The following SCARA5 variants were observed in gnomAD, a reference collection of about 807,000 sequenced individuals.
SCARA5 encodes the protein scavenger receptor class A, member 5 (putative).
A neutral mutation model predicts 46.3 loss-of-function variants in SCARA5; 45 were observed. That is an observed-to-expected ratio of 0.97 (90% CI 0.76 to 1.24). The LOEUF is 1.24. Ranked by LOEUF, SCARA5 falls within the 50% of genes most tolerant of loss-of-function variation. The pLI is 0.00. For synonymous variants in SCARA5, 333 were observed against 306.5 expected (o/e 1.09, Z -0.90); for missense variants, 680 against 689.0 (o/e 0.99, Z 0.15).
intron 3 of SCARA5, among the ~76,000 whole-genome samples, chr8:27,957,379 T>C (rs986266916): frequency 3.3e-5 from 5 of 152,262 alleles, no homozygotes; most frequent in African/African-American, 1.2e-4. Context: ...AACACTGTTC[T>C]AGGCGGTTAA....
chr8:27,885,436 C>G (rs1037058641), intron 7 of SCARA5, among the ~76,000 whole-genome samples: 7 of 152,170 alleles, frequency 4.6e-5, no homozygotes, highest in African/African-American at 1.4e-4. Flanking sequence ...GCTATTTACT[C>G]TCTTAGGACA....
At chr8:27,876,469 G>A (rs1806725910) in intron 8 of SCARA5, among the ~76,000 whole-genome samples, 1 of 152,190 alleles carries the variant, frequency 6.6e-6, no homozygotes, top group Non-Finnish European at 1.5e-5. Context: ...TGGGGAGGGG[G>A]AGTGGTGACA....
rs181865121 is a variant in SCARA5, at chr8:27,914,586, G to A, written c.917-4843C>T. 1.7e-4 allele frequency among the ~76,000 whole-genome samples: 26 copies of A among 152,366 alleles called. 1 individual carries two copies. Among genetic ancestry groups the A allele is most frequent in the Non-Finnish European group, 1.5e-4 (10 of 68,030 alleles). On this transcript the variant is annotated intron_variant, in intron 4 of 8. Transcript: ENST00000354914. The stretch of plus-strand genomic sequence containing the variant: ...AATCAGGATCTGAAGAATGACTAAC[G>A]TGTAGTAGCAGAAGTGCCATGACAT...
intron 3 of SCARA5, among the ~76,000 whole-genome samples, chr8:27,932,160 T>G (rs989377278): frequency 9.2e-5 from 14 of 151,944 alleles, no homozygotes; most frequent in African/African-American, 3.4e-4. Context: ...TTGCATTTTG[T>G]GTAGAGATGG....
At chr8:27,877,881 C>A (rs1585458379) in intron 8 of SCARA5, among the ~76,000 whole-genome samples, 1 of 152,216 alleles carries the variant, frequency 6.6e-6, no homozygotes, top group South Asian at 2.1e-4. Context: ...GGATGAGATT[C>A]AGACCAAGAA....
In SCARA5 at chr8:27,931,409, C is replaced by T. The variant is rs555864964; in HGVS notation, c.242-9164G>A. On this transcript the variant is annotated intron_variant, in intron 3 of 8. Transcript: ENST00000354914. The stretch of plus-strand genomic sequence containing the variant: ...TAGGTGCAGTCCCACCTCCCACCAC[C>T]CCCTCGCCACCCCAGAATGGGGTCC... 4.6e-5 allele frequency among the ~76,000 whole-genome samples: 7 copies of T among 152,254 alleles called. No homozygotes were observed. The East Asian group carries it at 1.4e-3, about 29-fold the overall frequency.
Position 27,908,061 on chromosome 8 carries a change from G to A in SCARA5, c.998-815C>T, listed in dbSNP as rs904375715. 2.6e-4 allele frequency among the ~76,000 whole-genome samples: 39 copies of A among 150,982 alleles called. No individual in the cohort carries two copies. The Middle Eastern group carries it at 0.01, about 40-fold the overall frequency. Reference sequence around the variant, plus strand: ...AGGTCACACAGCAGTGTTGGAGGCAGGATCTGAGCCCTGCTGTTGCTGAAA... The same window carrying A: ...AGGTCACACAGCAGTGTTGGAGGCAAGATCTGAGCCCTGCTGTTGCTGAAA... On this transcript the variant is annotated intron_variant, in intron 5 of 8. Transcript: ENST00000354914.
At position 27,871,404 on chromosome 8, in the gene SCARA5, C is replaced by A; in HGVS notation, c.*530G>T. On this transcript the variant is annotated 3_prime_UTR_variant, in exon 9 of 9. Transcript: ENST00000354914. ...GCTGGCTTCTCCTCTATGTCACTTC[C>A]TCAAACTAGCAAATGGGGAGCAGAG... The A allele has an allele frequency of 1.0e-6, 1 of 987,354 alleles. No homozygotes were observed. Among genetic ancestry groups the A allele is most frequent in the Non-Finnish European group, 1.2e-6 (1 of 830,976 alleles). 61.2% of individuals were successfully genotyped at this position (987,354 alleles called of 1,614,324 possible). A position where few individuals can be genotyped will look rare whatever the true frequency, so the allele number is the denominator to read the frequency against.
intron 3 of SCARA5, among the ~76,000 whole-genome samples, chr8:27,956,216 C>T (rs1417395707): frequency 6.6e-6 from 1 of 152,146 alleles, no homozygotes. Flanking sequence ...TTGAGTGATG[C>T]TATTTGCACT....
At chr8:27,952,386 AC>A (rs1808142037) in intron 3 of SCARA5, among the ~76,000 whole-genome samples, 1 of 151,814 alleles carries the variant, frequency 6.6e-6, no homozygotes, top group South Asian at 2.1e-4. Flanking sequence ...TTGTTTTCTG[AC>A]CATCTGGCAG....
At chr8:27,877,838 G>A (rs1806749349) in intron 8 of SCARA5, among the ~76,000 whole-genome samples, 1 of 152,178 alleles carries the variant, frequency 6.6e-6, no homozygotes, top group Non-Finnish European at 1.5e-5. Context: ...TTCACCAAGG[G>A]TCACTTTCAG....
At chr8:27,988,745 G>T (rs1808741521) in intron 1 of SCARA5, among the ~76,000 whole-genome samples, 1 of 152,148 alleles carries the variant, frequency 6.6e-6, no homozygotes, top group African/African-American at 2.4e-5. Context: ...CTTTCATCAA[G>T]GTTCCAGCCA....
intron 7 of SCARA5, among the ~76,000 whole-genome samples, chr8:27,894,562 G>T (rs1398927483): frequency 6.6e-6 from 1 of 152,182 alleles, no homozygotes; most frequent in Non-Finnish European, 1.5e-5. Flanking sequence ...GGTGATTTTG[G>T]TGCACAGCCA....
chr8:27,911,495 C>T (rs935429526), intron 4 of SCARA5, among the ~76,000 whole-genome samples: 4 of 152,144 alleles, frequency 2.6e-5, no homozygotes, highest in South Asian at 2.1e-4. Context: ...AGTTCGAGGC[C>T]GGCCTGGCCA....
rs573317705 is a variant in SCARA5 at position 27,969,153 on chromosome 8, G to C, written c.113-2611C>G. ...AAGACAACGACAAGTCACAAAGGCTGCCCAAAACACATTTATGGACTTTTT... is the reference window on the plus strand; with the variant it reads ...AAGACAACGACAAGTCACAAAGGCTCCCCAAAACACATTTATGGACTTTTT... On this transcript the variant is annotated intron_variant, in intron 2 of 8. Coordinates refer to ENST00000354914, the MANE Select transcript of SCARA5 (RefSeq NM_173833.6). Among the ~76,000 whole-genome samples the C allele has an allele frequency of 2.6e-5, 4 of 152,336 alleles. No homozygotes were observed. The South Asian group carries it at 8.3e-4, about 32-fold the overall frequency.
rs759249208 is a variant in SCARA5, at chr8:27,871,954, C to T, written c.1468G>A (p.Val490Met). 2.2e-5 allele frequency: 35 copies of T among 1,614,104 alleles called. No individual in the cohort carries two copies. Among genetic ancestry groups the T allele is most frequent in the South Asian group, 6.6e-5 (6 of 91,082 alleles). Residue 490 changes from valine to methionine, a missense_variant, in exon 9 of 9, where the codon GTG (valine) becomes ATG (methionine). Transcript: ENST00000354914. ...TNCGHAEDASVTCNRH is the reference protein window; with the variant it reads ...TNCGHAEDASMTCNRH ...CACTTTCAGTGTCTGTTGCATGTCA[C>T]GCTGGCATCTTCGGCATGTCCACAG...
chr8:27,912,996 G>A (rs1252218275), intron 4 of SCARA5, among the ~76,000 whole-genome samples: 2 of 152,136 alleles, frequency 1.3e-5, no homozygotes, highest in African/African-American at 2.4e-5. Flanking sequence ...TGAGTGAGGG[G>A]GGCCATCCCG....
intron 3 of SCARA5, among the ~76,000 whole-genome samples, chr8:27,960,721 A>G (rs879401048): frequency 6.6e-6 from 1 of 152,234 alleles, no homozygotes; most frequent in Non-Finnish European, 1.5e-5. Context: ...AGCTACTCCC[A>G]GAATGCTCGA....
intron 7 of SCARA5, among the ~76,000 whole-genome samples, chr8:27,880,396 A>G (rs1457998152): frequency 6.6e-6 from 1 of 151,832 alleles, no homozygotes; most frequent in African/African-American, 2.4e-5. Flanking sequence ...GTACAGGAAA[A>G]AAAAAAAAAA....
Sources: gnomAD v4.1 joint callset for allele counts (sites outside exome capture counted in the v4.1 genomes callset) on GRCh38, gnomAD v4.1.1 for gene constraint, MANE v1.5 for transcripts, NCBI Gene and HGNC (gene_info 2026-07-23, HGNC 2026-07-21) for gene names.